The following KIDINS220 variants were observed in gnomAD, a reference collection of about 807,000 sequenced individuals.
KIDINS220 encodes kinase D interacting substrate 220.
In KIDINS220, 63 loss-of-function variants were observed where a neutral mutation model predicts 157.6. The ratio of observed to expected loss-of-function variants is 0.40; its 90% CI spans 0.33 to 0.49. The LOEUF (loss-of-function observed/expected upper bound fraction) is 0.49, where lower values mean the gene tolerates loss of function less well. KIDINS220 is among the 20% of genes least tolerant of loss of function. The pLI, the probability that KIDINS220 is intolerant of heterozygous loss-of-function variation, is 0.66. For synonymous variants in KIDINS220, 732 were observed against 783.6 expected (o/e 0.93, Z 1.10); for missense variants, 1,772 against 2,171.2 (o/e 0.82, Z 3.65).
chr2:8,733,348 A>C, intron 29 of KIDINS220, 96 bp downstream of exon 29: 2 of 1,064,742 alleles, frequency 1.9e-6, no homozygotes, highest in Non-Finnish European at 2.8e-6. Context: ...TTCAGTAAGC[A>C]TTTTCTGAAT....
chr2:8,779,249 T>G, intron 18 of KIDINS220, 110 bp from the exon 19 acceptor site: 1 of 1,344,624 alleles, frequency 7.4e-7, no homozygotes, highest in Non-Finnish European at 1.0e-6. Flanking sequence ...TCTAAACTAC[T>G]ATTTCTTTTC....
chr2:8,832,875 G>C (rs541142047), intron 1 of KIDINS220, among the ~76,000 whole-genome samples: 1 of 151,944 alleles, frequency 6.6e-6, no homozygotes, highest in African/African-American at 2.4e-5. Context: ...ATCATCCCAG[G>C]CTAGTTTCTT....
chr2:8,803,220 CTAA>C, intron 7 of KIDINS220, 93 bp from the exon 8 acceptor site: 7 of 1,095,462 alleles, frequency 6.4e-6, no homozygotes, highest in Middle Eastern at 3.0e-4. Context: ...AATCATAAAA[CTAA>C]TGTTTTCAAA....
rs751448546 is a variant in KIDINS220, at chr2:8,812,500, G to C, written c.406-7C>G. ...TGATTGGGTAAACACTGTACTGCTA[G>C]GATAGATTGGTTGGTAGGTAGGTAG... On this transcript the variant is annotated splice_region_variant and splice_polypyrimidine_tract_variant and intron_variant, in intron 5 of 29. Coordinates refer to ENST00000256707, the MANE Select transcript of KIDINS220 (RefSeq NM_020738.4). The C allele has an allele frequency of 6.6e-7, 1 of 1,515,782 alleles. No homozygotes were observed. Among genetic ancestry groups the C allele is most frequent in the Non-Finnish European group, 8.9e-7 (1 of 1,125,734 alleles). The allele number at this position is 1,515,782 out of a possible 1,614,324, so 93.9% of individuals were successfully genotyped here.
At chr2:8,825,536 C>T (rs1678655532) in intron 2 of KIDINS220, among the ~76,000 whole-genome samples, 1 of 151,782 alleles carries the variant, frequency 6.6e-6, no homozygotes, top group Admixed American at 6.6e-5. Flanking sequence ...TTTTATATGT[C>T]TACACAAGAT....
At chr2:8,802,049 C>T (rs1360856888) in intron 8 of KIDINS220, among the ~76,000 whole-genome samples, 2 of 152,162 alleles carry the variant, frequency 1.3e-5, no homozygotes, top group African/African-American at 4.8e-5. Context: ...AAAGGCCCCA[C>T]AGCAGGAACA....
chr2:8,827,395 C>A (rs1045841333), intron 1 of KIDINS220, among the ~76,000 whole-genome samples: 1 of 152,158 alleles, frequency 6.6e-6, no homozygotes, highest in African/African-American at 2.4e-5. Context: ...CCAAAATGCT[C>A]CCCTGCTCCT....
intron 26 of KIDINS220, among the ~76,000 whole-genome samples, chr2:8,741,987 C>T (rs568439268): frequency 7.0e-4 from 107 of 152,264 alleles, no homozygotes; most frequent in African/African-American, 2.5e-3. Flanking sequence ...GAGCCTGAAG[C>T]CTAAACACAA....
At chr2:8,836,958 G>A (rs1321129733) in intron 1 of KIDINS220, among the ~76,000 whole-genome samples, 1 of 152,134 alleles carries the variant, frequency 6.6e-6, no homozygotes, top group Non-Finnish European at 1.5e-5. Flanking sequence ...TTGGAGGCGT[G>A]GAAATCAATG....
chr2:8,790,389 A>G (rs1572671150), intron 13 of KIDINS220, among the ~76,000 whole-genome samples: 1 of 152,206 alleles, frequency 6.6e-6, no homozygotes, highest in Admixed American at 6.5e-5. Context: ...AACAAATATT[A>G]TGCATATGCA....
downstream of KIDINS220, chr2:8,723,436 C>T (rs929052431): frequency 3.3e-5 from 5 of 152,204 alleles, no homozygotes; most frequent in South Asian, 4.1e-4. Flanking sequence ...AAGAAATAAA[C>T]GTCAAATGTA....
chr2:8,768,234 C>T (rs922848718), intron 22 of KIDINS220, among the ~76,000 whole-genome samples: 4 of 149,880 alleles, frequency 2.7e-5, no homozygotes, highest in Non-Finnish European at 5.9e-5. Context: ...CCCTTTCTTA[C>T]TAAATGTATG....
chr2:8,809,200 T>C (rs1219101681), intron 6 of KIDINS220, among the ~76,000 whole-genome samples: 2 of 152,116 alleles, frequency 1.3e-5, no homozygotes, highest in Admixed American at 6.5e-5. Flanking sequence ...TTTGTATTTT[T>C]AGTAGAGATG....
At chr2:8,818,422 G>GTCT (rs1677410511) in intron 3 of KIDINS220, among the ~76,000 whole-genome samples, 3 of 151,986 alleles carry the variant, frequency 2.0e-5, no homozygotes, top group Non-Finnish European at 4.4e-5. Flanking sequence ...CTCGTATGTG[G>GTCT]ATATCTTCTA....
At chr2:8,751,869 T>C (rs2148055957) in intron 22 of KIDINS220, among the ~76,000 whole-genome samples, 1 of 152,194 alleles carries the variant, frequency 6.6e-6, no homozygotes, top group South Asian at 2.1e-4. Context: ...CATGCCCAGC[T>C]AATTTTTGTA....
chr2:8,731,672 C>T lies in KIDINS220; in HGVS notation c.4364G>A (p.Gly1455Glu). 1 of 1,614,180 alleles carries T rather than the reference C, an allele frequency of 6.2e-7. No individual in the cohort carries two copies. Among genetic ancestry groups the T allele is most frequent in the Non-Finnish European group, 8.5e-7 (1 of 1,180,038 alleles). ...TGATGATGAATAATCGATAACATCT[C>T]CCCTCTTCATTAGAAAGGACTTCCT... is the stretch of plus-strand genomic sequence containing the variant. ...DGRKSFLMKR[G>E]DVIDYSSSGV... The change falls in exon 30 of 30, where the codon GGA becomes GAA. Residue 1455 changes from glycine to glutamate, a missense_variant. Physicochemically the swap from Gly to Glu is moderately conservative, Grantham distance 98. This residue lies in a region of KIDINS220 where 793 missense variants were observed against 885.5 expected (regional missense o/e 0.90). Transcript: ENST00000256707. This position sits in a 1 kb window ranked among gnomAD's most constrained non-coding sequence, Gnocchi z 5.2.
chr2:8,783,579 C>A (rs1295146075), intron 17 of KIDINS220, among the ~76,000 whole-genome samples: 1 of 151,840 alleles, frequency 6.6e-6, no homozygotes, highest in African/African-American at 2.4e-5. Flanking sequence ...TGTAGAAAAA[C>A]CGAAAGAACC....
downstream of KIDINS220, among the ~76,000 whole-genome samples, chr2:8,728,321 T>TCAAA (rs142900998): frequency 0.015 from 2,290 of 151,230 alleles, 46 homozygotes; most frequent in Admixed American, 0.043. Flanking sequence ...AGAGACTGCC[T>TCAAA]CAAACAAACA....
chr2:8,750,071 T>C (rs755850482), intron 24 of KIDINS220, 41 bp downstream of exon 24: 3 of 1,555,614 alleles, frequency 1.9e-6, no homozygotes, highest in South Asian at 2.3e-5. Context: ...GGTTTCCCTG[T>C]AACAAATTCT....
Sources: allele counts gnomAD v4.1 joint callset (sites outside exome capture counted in the v4.1 genomes callset), GRCh38; gene constraint gnomAD v4.1.1; regional missense constraint gnomAD v4.1.1; non-coding constraint Gnocchi (gnomAD v3.1); transcripts MANE v1.5; gene names NCBI Gene and HGNC (gene_info 2026-07-23, HGNC 2026-07-21).